THADA: variants seen among roughly 807,000 people sequenced by gnomAD.
THADA encodes the protein tRNA (32-2'-O)-methyltransferase regulator THADA.
Under a neutral mutation model 219.8 loss-of-function variants are expected in THADA, and 213 were observed. The observed-to-expected ratio is 0.97, with a 90% confidence interval of 0.87 to 1.09. THADA has a LOEUF of 1.09. Among genes scored for constraint, THADA ranks in the 50% least tolerant of loss-of-function variants. THADA has a pLI of 0.00. For missense variants in THADA, 2,956 were observed against 2,311.3 expected (o/e 1.28, Z -5.72); for synonymous variants, 1,018 against 828.9 (o/e 1.23, Z -3.92).
At chr2:43,551,267 T>C (rs954349873) in intron 19 of THADA, among the ~76,000 whole-genome samples, 33 of 152,232 alleles carry the variant, frequency 2.2e-4, no homozygotes, top group African/African-American at 7.7e-4. Flanking sequence ...TTTCTGTGTA[T>C]TAAAAGGAAC....
intron 22 of THADA, among the ~76,000 whole-genome samples, chr2:43,512,536 C>T (rs556227192): frequency 1.7e-4 from 26 of 152,318 alleles, no homozygotes; most frequent in East Asian, 7.7e-4. Context: ...AAATTTCACT[C>T]TTCTTGCCCA....
chr2:43,350,297 C>T (rs958530718), intron 29 of THADA, among the ~76,000 whole-genome samples: 1 of 152,148 alleles, frequency 6.6e-6, no homozygotes, highest in Admixed American at 6.5e-5. Context: ...CTTTCTAATT[C>T]ACAGAAACAA....
chr2:43,457,133 T>TACACAC (rs35803641), intron 26 of THADA, among the ~76,000 whole-genome samples: 50 of 126,256 alleles, frequency 4.0e-4, no homozygotes, highest in East Asian at 7.7e-4. Context: ...TTAGGATATC[T>TACACAC]ACACACACAC....
At chr2:43,566,992 T>G (rs994519935) in intron 14 of THADA, among the ~76,000 whole-genome samples, 171 bp from the exon 15 acceptor site, 1 of 152,296 alleles carries the variant, frequency 6.6e-6, no homozygotes, top group South Asian at 2.1e-4. Flanking sequence ...TTAGCACCCT[T>G]GACCATAAGC....
intron 22 of THADA, among the ~76,000 whole-genome samples, chr2:43,513,972 A>G (rs1251442981): frequency 6.6e-6 from 1 of 151,668 alleles, no homozygotes; most frequent in Non-Finnish European, 1.5e-5. Flanking sequence ...AAGCAGGAAG[A>G]TCACTTGAGC....
intron 36 of THADA, among the ~76,000 whole-genome samples, chr2:43,257,749 G>A (rs1200888842): frequency 6.6e-6 from 1 of 152,188 alleles, no homozygotes; most frequent in Non-Finnish European, 1.5e-5. Context: ...TTAAATTACA[G>A]CAAGGAACAT....
rs1574260439 is a variant in THADA at position 43,560,301 on chromosome 2, A to C, written c.2396T>G (p.Phe799Cys). ...AAATGCTAAAATTTTCACGTCTTCA[A>C]AAGTGCTGGTAAAACATTCCATTAG... is the stretch of plus-strand genomic sequence containing the variant. ...QTLMECFTST[F>C]EDVKILAFDL... Residue 799 changes from phenylalanine (F) to cysteine (C), a missense_variant, in exon 16 of 38, where the codon TTT becomes TGT. Phe to Cys is a radical substitution (Grantham distance 205). Transcript: ENST00000405975. 1 of 1,612,898 alleles carries C rather than the reference A, an allele frequency of 6.2e-7. No homozygotes were observed. Among genetic ancestry groups the C allele is most frequent in the Non-Finnish European group, 8.5e-7 (1 of 1,179,386 alleles).
At chr2:43,283,253 G>C (rs1207713745) in intron 35 of THADA, among the ~76,000 whole-genome samples, 1 of 152,154 alleles carries the variant, frequency 6.6e-6, no homozygotes, top group Non-Finnish European at 1.5e-5. Context: ...CTCTTTTCTT[G>C]ATGAATTACC....
chr2:43,538,884 A>G (rs1231684437), intron 21 of THADA, among the ~76,000 whole-genome samples: 1 of 152,118 alleles, frequency 6.6e-6, no homozygotes, highest in Non-Finnish European at 1.5e-5. Context: ...AAAAACCCCA[A>G]ACTGTAATCT....
intron 24 of THADA, among the ~76,000 whole-genome samples, chr2:43,501,212 A>G (rs1688910923): frequency 6.9e-6 from 1 of 145,878 alleles, no homozygotes; most frequent in Non-Finnish European, 1.5e-5. Flanking sequence ...AGGCTGAGGC[A>G]GGAGGATTGC....
chr2:43,535,168 CT>C (rs549879408), intron 21 of THADA, among the ~76,000 whole-genome samples: 86 of 52,538 alleles, frequency 1.6e-3, no homozygotes, highest in East Asian at 5.7e-3. Flanking sequence ...ATCATTTGTC[CT>C]TTTTTTTTTT....
intron 26 of THADA, among the ~76,000 whole-genome samples, chr2:43,461,604 G>A (rs373565802): frequency 6.6e-6 from 1 of 152,174 alleles, no homozygotes; most frequent in South Asian, 2.1e-4. Flanking sequence ...TTATAGGTTT[G>A]AGCCCTGGAT....
chr2:43,333,432 T>A (rs1347831104), intron 30 of THADA, among the ~76,000 whole-genome samples: 1 of 150,620 alleles, frequency 6.6e-6, no homozygotes, highest in Non-Finnish European at 1.5e-5. Context: ...AATCTAGGAA[T>A]TGAAAAGCAG....
At chr2:43,323,190 G>A (rs1425218380) in intron 30 of THADA, among the ~76,000 whole-genome samples, 1 of 152,076 alleles carries the variant, frequency 6.6e-6, no homozygotes, top group African/African-American at 2.4e-5. Flanking sequence ...TGCTCAGGCT[G>A]AAGTGCAGTG....
chr2:43,417,976 T>C (rs1351880336), intron 28 of THADA, among the ~76,000 whole-genome samples: 1 of 152,200 alleles, frequency 6.6e-6, no homozygotes, highest in Non-Finnish European at 1.5e-5. Context: ...AGTAAACATT[T>C]GCTAATTATT....
At chr2:43,535,437 G>C (rs1158244702) in intron 21 of THADA, among the ~76,000 whole-genome samples, 1 of 151,192 alleles carries the variant, frequency 6.6e-6, no homozygotes, top group South Asian at 2.1e-4. Flanking sequence ...CTAGCATTTT[G>C]GGAGTCCACG....
rs139973019 is a variant in THADA, at chr2:43,332,409, G to C, written c.4343+11713C>G. ...CTAATTCTAGCATTGACACAATCTTGTTTATAGTTATTTAAATCCATACTT... is the reference window on the plus strand; with the variant it reads ...CTAATTCTAGCATTGACACAATCTTCTTTATAGTTATTTAAATCCATACTT... On this transcript the variant is annotated intron_variant, in intron 30 of 37. Coordinates refer to ENST00000405975, the MANE Select transcript of THADA (RefSeq NM_022065.5). Among the ~76,000 whole-genome samples, 583 of 152,294 alleles carry C rather than the reference G, an allele frequency of 3.8e-3. 2 individuals are homozygous for C. Among genetic ancestry groups the C allele is most frequent in the African/African-American group, 0.013 (552 of 41,566 alleles).
At chr2:43,294,655 C>T (rs917081778) in intron 31 of THADA, among the ~76,000 whole-genome samples, 1 of 152,102 alleles carries the variant, frequency 6.6e-6, no homozygotes, top group Non-Finnish European at 1.5e-5. Context: ...CCCATTTTCA[C>T]TGAAGTGCTC....
chr2:43,277,843 G>A (rs548074239), intron 36 of THADA, among the ~76,000 whole-genome samples: 1 of 152,136 alleles, frequency 6.6e-6, no homozygotes, highest in Non-Finnish European at 1.5e-5. Flanking sequence ...ACACCAAAGA[G>A]GAAAACATCA....
Sources: gnomAD v4.1 joint callset for allele counts (sites outside exome capture counted in the v4.1 genomes callset) on GRCh38, gnomAD v4.1.1 for gene constraint, MANE v1.5 for transcripts, NCBI Gene and HGNC (gene_info 2026-07-23, HGNC 2026-07-21) for gene names.